Variants in PTPRN2 observed in about 807,000 individuals in gnomAD.
The protein encoded by PTPRN2 is protein tyrosine phosphatase receptor type N2, also known as receptor-type tyrosine-protein phosphatase N2.
A neutral mutation model predicts 118.8 loss-of-function variants in PTPRN2; 74 were observed. That is an observed-to-expected ratio of 0.62 (90% CI 0.52 to 0.76). The LOEUF (loss-of-function observed/expected upper bound fraction) is 0.76, where lower values mean the gene tolerates loss of function less well. Ranked by LOEUF, PTPRN2 falls within the 30% of genes least tolerant of loss-of-function variation. The probability of loss-of-function intolerance (pLI) is 0.00; values close to 1 mark genes in which losing one functional copy is unlikely to be tolerated. For synonymous variants in PTPRN2, 641 were observed against 608.0 expected (o/e 1.05, Z -0.80); for missense variants, 1,481 against 1,394.4 (o/e 1.06, Z -0.99).
At chr7:158,282,241 T>C (rs1799476772) in intron 3 of PTPRN2, among the ~76,000 whole-genome samples, 1 of 150,302 alleles carries the variant, frequency 6.7e-6, no homozygotes, top group Non-Finnish European at 1.5e-5. Context: ...AAACCCAAGA[T>C]ATAAAAACCA....
At chr7:157,789,962 CAT>C (rs951624224) in intron 12 of PTPRN2, among the ~76,000 whole-genome samples, 10 of 113,220 alleles carry the variant, frequency 8.8e-5, no homozygotes, top group South Asian at 6.4e-4. Context: ...GTGGTGGTGA[CAT>C]GTGCGTATGG....
intron 11 of PTPRN2, among the ~76,000 whole-genome samples, chr7:157,906,852 C>T (rs912623204): frequency 1.3e-5 from 2 of 152,112 alleles, no homozygotes; most frequent in Non-Finnish European, 2.9e-5. Context: ...ACTGGGGGCT[C>T]GCCAGGGTCT....
At chr7:158,429,948 T>C (rs1968705) in intron 2 of PTPRN2, among the ~76,000 whole-genome samples, 148,101 of 152,246 alleles carry the variant, frequency 0.97, 72,070 homozygotes, top group African/African-American at 0.99. Context: ...CGCTCTGTCG[T>C]CCAGGCTGGA....
At chr7:157,663,336 G>A (rs1227796256) in intron 13 of PTPRN2, among the ~76,000 whole-genome samples, 2 of 152,156 alleles carry the variant, frequency 1.3e-5, no homozygotes, top group African/African-American at 2.4e-5. Flanking sequence ...CGTCCTGCAC[G>A]TGCCCCTGGG....
intron 3 of PTPRN2, among the ~76,000 whole-genome samples, chr7:158,276,197 C>G: frequency 7.4e-6 from 1 of 134,788 alleles, no homozygotes; most frequent in Non-Finnish European, 1.7e-5. Context: ...AAGCACAGCT[C>G]CTGCCCTGGC....
chr7:158,312,952 G>A (rs955706217), intron 3 of PTPRN2, among the ~76,000 whole-genome samples: 2 of 151,814 alleles, frequency 1.3e-5, no homozygotes, highest in Non-Finnish European at 2.9e-5. Context: ...GTGCAGGGGT[G>A]TGTGCGTGTG....
chr7:158,524,328 C>T (rs1450552606), intron 1 of PTPRN2, among the ~76,000 whole-genome samples: 50 of 83,066 alleles, frequency 6.0e-4, no homozygotes, highest in Non-Finnish European at 1.3e-4. Context: ...GTGGAGTCTG[C>T]CCTGGAGTGG....
chr7:158,484,916 G>A (rs1387281515), intron 2 of PTPRN2, among the ~76,000 whole-genome samples: 1 of 152,184 alleles, frequency 6.6e-6, no homozygotes, highest in Non-Finnish European at 1.5e-5. Flanking sequence ...CTGTGACGCC[G>A]CCACGGGGAG....
At chr7:158,236,000 C>T (rs67515424) in intron 3 of PTPRN2, among the ~76,000 whole-genome samples, 26,823 of 152,132 alleles carry the variant, frequency 0.18, 2,570 homozygotes, top group Non-Finnish European at 0.22. Flanking sequence ...TTCTAGGACA[C>T]GGAGACGTCG....
At chr7:158,079,294 G>A (rs1283727136) in intron 11 of PTPRN2, among the ~76,000 whole-genome samples, 1 of 152,196 alleles carries the variant, frequency 6.6e-6, no homozygotes, top group Non-Finnish European at 1.5e-5. Context: ...AGTTAACATG[G>A]AGGCACTGGT....
Position 157,968,567 on chromosome 7 carries a change from C to T in PTPRN2, c.1724-69830G>A, listed in dbSNP as rs140702612. On this transcript the variant is annotated intron_variant, in intron 11 of 22. Coordinates refer to ENST00000389418, the MANE Select transcript of PTPRN2 (RefSeq NM_002847.5). ...TCTAACAAGGCTCGAACGCTGGAGC[C>T]GCATGTCTGCGACCACTCAGCAGGT... Among the ~76,000 whole-genome samples, 147 of 152,268 alleles carry T rather than the reference C, an allele frequency of 9.7e-4. 2 individuals are homozygous for T. The South Asian group carries it at 0.018, about 19-fold the overall frequency.
chr7:158,510,443 ACTCTCTCTCTCTCTCTCT>A (rs10581746), intron 1 of PTPRN2, among the ~76,000 whole-genome samples: 6 of 147,534 alleles, frequency 4.1e-5, no homozygotes, highest in Non-Finnish European at 7.5e-5. Flanking sequence ...GTGTGTGTTT[ACTCTCTCTCTCTCTCTCT>A]CTCTCTCTCT....
chr7:158,511,354 C>G (rs1304010877), intron 1 of PTPRN2, among the ~76,000 whole-genome samples: 1 of 152,176 alleles, frequency 6.6e-6, no homozygotes, highest in Non-Finnish European at 1.5e-5. Flanking sequence ...TTAAGTGGAT[C>G]GGACAGAGAC....
chr7:157,651,685 T>C (rs2150727027), intron 14 of PTPRN2, among the ~76,000 whole-genome samples: 1 of 152,330 alleles, frequency 6.6e-6, no homozygotes, highest in East Asian at 1.9e-4. Flanking sequence ...GATGATTCTT[T>C]ATCTTACAAA....
intron 11 of PTPRN2, among the ~76,000 whole-genome samples, chr7:157,954,551 C>T (rs972608391): frequency 7.4e-6 from 1 of 135,202 alleles, no homozygotes; most frequent in Non-Finnish European, 1.6e-5. Context: ...TGTGTAGTCT[C>T]TGCATGTGTG....
intron 1 of PTPRN2, among the ~76,000 whole-genome samples, chr7:158,506,214 C>A (rs1319884235): frequency 3.3e-5 from 5 of 152,172 alleles, no homozygotes; most frequent in African/African-American, 1.2e-4. Flanking sequence ...AACAGGCGGG[C>A]CATTAGGAGA....
rs1378127460 is a variant in PTPRN2 at position 157,764,093 on chromosome 7, C to T, written c.1789-81156G>A. ...ACTAAACACACACACACAACAAAAACGTGCTGGCGAGAATGCTGAGGAATC... is the reference window on the plus strand; with the variant it reads ...ACTAAACACACACACACAACAAAAATGTGCTGGCGAGAATGCTGAGGAATC... On this transcript the variant is annotated intron_variant, in intron 12 of 22. Transcript: ENST00000389418. This position sits in a 1 kb window ranked among gnomAD's most constrained non-coding sequence, Gnocchi z 4.5. Among the ~76,000 whole-genome samples the T allele has an allele frequency of 5.9e-5, 9 of 152,150 alleles. No individual in the cohort carries two copies. Among genetic ancestry groups the T allele is most frequent in the African/African-American group, 1.7e-4 (7 of 41,434 alleles).
chr7:157,862,342 GT>G (rs527413613), intron 12 of PTPRN2, among the ~76,000 whole-genome samples: 111 of 152,380 alleles, frequency 7.3e-4, no homozygotes, highest in African/African-American at 2.5e-3. Flanking sequence ...CTGTTAGGAA[GT>G]TCCCTGACAG....
At chr7:157,732,861 T>C (rs373768198) in intron 12 of PTPRN2, among the ~76,000 whole-genome samples, 5 of 6,294 alleles carry the variant, frequency 7.9e-4, no homozygotes, top group Admixed American at 3.6e-3. Flanking sequence ...GTTACTCTTT[T>C]CCGTCCCATG....
Sources: allele counts gnomAD v4.1 joint callset (sites outside exome capture counted in the v4.1 genomes callset), GRCh38; gene constraint gnomAD v4.1.1; non-coding constraint Gnocchi (gnomAD v3.1); transcripts MANE v1.5; gene names NCBI Gene and HGNC (gene_info 2026-07-23, HGNC 2026-07-21).